The following ANKFN1 variants were observed in gnomAD, a reference collection of about 807,000 sequenced individuals.
ANKFN1 encodes ankyrin repeat and fibronectin type III domain containing 1, also known as ankyrin repeat and fibronectin type-III domain-containing protein 1.
ANKFN1 carries 74 observed loss-of-function variants against 108.7 expected under a neutral mutation model. The ratio of observed to expected loss-of-function variants is 0.68; its 90% CI spans 0.56 to 0.83. The LOEUF is 0.83. Ranked by LOEUF, ANKFN1 falls within the 40% of genes least tolerant of loss-of-function variation. The pLI, the probability that ANKFN1 is intolerant of heterozygous loss-of-function variation, is 0.00. For missense variants in ANKFN1, 1,505 were observed against 1,382.3 expected (o/e 1.09, Z -1.41); for synonymous variants, 547 against 516.2 (o/e 1.06, Z -0.81).
Position 56,350,747 on chromosome 17 carries a change from C to G in ANKFN1, c.189-19C>G. Reference sequence around the variant, plus strand: ...ATTTGTGGTGTAAAAGATATAACATCGGACTTTCCTCTTCTTAGGAATTGT... The same window carrying G: ...ATTTGTGGTGTAAAAGATATAACATGGGACTTTCCTCTTCTTAGGAATTGT... On this transcript the variant is annotated intron_variant, in intron 4 of 20. Transcript: ENST00000682825. 6.2e-7 allele frequency: 1 copy of G among 1,605,800 alleles called. No individual in the cohort carries two copies. The highest frequency in any genetic ancestry group is 8.5e-7 in the Non-Finnish European group (1 of 1,172,860).
chr17:56,255,972 C>T (rs2043347628), intron 3 of ANKFN1, among the ~76,000 whole-genome samples: 1 of 152,006 alleles, frequency 6.6e-6, no homozygotes, highest in East Asian at 1.9e-4. Flanking sequence ...CCGGGAGTTC[C>T]AGACCAGCCT....
At chr17:56,092,399 C>G (rs184735955) in intron 4 of ANKFN1, among the ~76,000 whole-genome samples, 3 of 149,542 alleles carry the variant, frequency 2.0e-5, no homozygotes, top group South Asian at 2.1e-4. Context: ...CTCAGCCTCC[C>G]GAGTAGCTGG....
At chr17:56,467,138 T>C (rs943062798) in intron 15 of ANKFN1, among the ~76,000 whole-genome samples, 4 of 151,640 alleles carry the variant, frequency 2.6e-5, no homozygotes, top group Admixed American at 2.0e-4. Context: ...AAACAAACAT[T>C]GAGACCAATA....
At chr17:56,379,727 A>T (rs1408240551) in intron 8 of ANKFN1, among the ~76,000 whole-genome samples, 1 of 152,092 alleles carries the variant, frequency 6.6e-6, no homozygotes, top group Non-Finnish European at 1.5e-5. Flanking sequence ...CTATTGATGG[A>T]TGTTGGTTGT....
chr17:56,456,401 C>CTTTTTTTTTTTT (rs397713657), intron 11 of ANKFN1, among the ~76,000 whole-genome samples: 4 of 115,496 alleles, frequency 3.5e-5, no homozygotes, highest in Non-Finnish European at 5.1e-5. Flanking sequence ...CTTTTTTTCT[C>CTTTTTTTTTTTT]TTTTTTTTTT....
rs545364551 is a variant in ANKFN1 at position 56,357,492 on chromosome 17, C to T, written c.601+3446C>T. Among the ~76,000 whole-genome samples, 10 of 152,320 alleles carry T rather than the reference C, an allele frequency of 6.6e-5. No individual in the cohort carries two copies. In the South Asian group the frequency reaches 1.2e-3, roughly 19 times the overall value. On this transcript the variant is annotated intron_variant, in intron 6 of 20. Transcript: ENST00000682825. ...TTTCCACATAACCAATATGGAGGGC[C>T]GTGGCCTCTGGGCCCCTGCATCTCT...
Position 56,183,316 on chromosome 17 carries a change from A to G in ANKFN1, c.-70-29282A>G, listed in dbSNP as rs1417653072. On this transcript the variant is annotated intron_variant, in intron 1 of 20. Transcript: ENST00000682825. ...TTCATCATTCTAGATGCCATTAAGAACATCTATCATAAATGGAAGAAAGTC... is the reference window on the plus strand; with the variant it reads ...TTCATCATTCTAGATGCCATTAAGAGCATCTATCATAAATGGAAGAAAGTC... Among the ~76,000 whole-genome samples the G allele has an allele frequency of 2.0e-5, 3 of 152,312 alleles. No homozygotes were observed. The East Asian group carries it at 5.8e-4, about 29-fold the overall frequency.
chr17:56,323,628 G>C (rs2045433521), intron 3 of ANKFN1: 1 of 152,356 alleles, frequency 6.6e-6, no homozygotes, highest in Non-Finnish European at 1.5e-5. Flanking sequence ...CACTTGGCAA[G>C]AAAGATTAGA....
At chr17:56,196,277 C>T (rs1913499528) in intron 1 of ANKFN1, among the ~76,000 whole-genome samples, 1 of 152,114 alleles carries the variant, frequency 6.6e-6, no homozygotes, top group South Asian at 2.1e-4. Context: ...CCACCACCAC[C>T]ACAACAAAAG....
chr17:56,382,001 G>T (rs980613646), intron 8 of ANKFN1, among the ~76,000 whole-genome samples: 21 of 152,218 alleles, frequency 1.4e-4, no homozygotes, highest in African/African-American at 4.8e-4. Context: ...CACCAAAGTT[G>T]AAATGAAGGA....
intron 4 of ANKFN1, among the ~76,000 whole-genome samples, chr17:56,049,495 C>A (rs1414576711): frequency 6.6e-6 from 1 of 151,790 alleles, no homozygotes; most frequent in Non-Finnish European, 1.5e-5. Flanking sequence ...CACCCACTAA[C>A]TCGTCATCTA....
At chr17:56,311,205 AT>A (rs1437169969) in intron 3 of ANKFN1, among the ~76,000 whole-genome samples, 2 of 151,716 alleles carry the variant, frequency 1.3e-5, no homozygotes, top group Non-Finnish European at 2.9e-5. Flanking sequence ...TCTTTTATCC[AT>A]TACTCACTGT....
chr17:56,354,119 G>C, intron 6 of ANKFN1, 73 bp downstream of exon 6: 1 of 1,445,708 alleles, frequency 6.9e-7, no homozygotes, highest in Non-Finnish European at 9.5e-7. Flanking sequence ...AATAGCCATT[G>C]CTGACTTTCA....
intron 8 of ANKFN1, among the ~76,000 whole-genome samples, chr17:56,399,843 TTATA>T (rs71139904): frequency 0.079 from 5,095 of 64,728 alleles, 204 homozygotes; most frequent in African/African-American, 0.13. Flanking sequence ...ATTCCATTTT[TTATA>T]TATATATATA....
chr17:56,222,519 A>T (rs1567847292), intron 2 of ANKFN1, among the ~76,000 whole-genome samples: 1 of 152,230 alleles, frequency 6.6e-6, no homozygotes, highest in Non-Finnish European at 1.5e-5. Context: ...GATAGTCTTA[A>T]AGAAAGAAAG....
At chr17:56,136,849 G>C (rs1241813121) in intron 4 of ANKFN1, among the ~76,000 whole-genome samples, 1 of 152,200 alleles carries the variant, frequency 6.6e-6, no homozygotes, top group Non-Finnish European at 1.5e-5. Flanking sequence ...ATCATATCCA[G>C]AGAAACACAT....
In ANKFN1 at chr17:56,353,818, A is replaced by G; in HGVS notation, c.391-18A>G. On this transcript the variant is annotated intron_variant, in intron 5 of 20. Coordinates refer to ENST00000682825, the MANE Select transcript of ANKFN1 (RefSeq NM_001370326.1). ...CTGGTTTAAGAAATTGTGCTGATCT[A>G]CTTTTGCTCCTCTCTAGAATTTCCA... is the stretch of plus-strand genomic sequence containing the variant. 3 of 1,612,432 alleles carry G rather than the reference A, an allele frequency of 1.9e-6. No individual in the cohort carries two copies. The highest frequency in any genetic ancestry group is 2.5e-6 in the Non-Finnish European group (3 of 1,178,760).
chr17:56,422,784 AT>A (rs569143639), intron 8 of ANKFN1, among the ~76,000 whole-genome samples: 264 of 152,330 alleles, frequency 1.7e-3, no homozygotes, highest in African/African-American at 5.7e-3. Flanking sequence ...ATGTTTTAGC[AT>A]TTTCCACTAA....
At chr17:56,095,530 G>C (rs1401740271) in intron 4 of ANKFN1, among the ~76,000 whole-genome samples, 1 of 141,532 alleles carries the variant, frequency 7.1e-6, no homozygotes, top group Non-Finnish European at 1.6e-5. Context: ...TTGAACTCCT[G>C]GCCTCAAGCA....
Sources: allele counts gnomAD v4.1 joint callset (sites outside exome capture counted in the v4.1 genomes callset), GRCh38; gene constraint gnomAD v4.1.1; transcripts MANE v1.5; gene names NCBI Gene and HGNC (gene_info 2026-07-23, HGNC 2026-07-21).